ZNF385B: variants seen among roughly 807,000 people sequenced by gnomAD.
The protein encoded by ZNF385B is zinc finger protein 385B.
ZNF385B carries 23 observed loss-of-function variants against 39.2 expected under a neutral mutation model. That is an observed-to-expected ratio of 0.59 (90% CI 0.42 to 0.83). ZNF385B has a LOEUF of 0.83. Among genes scored for constraint, ZNF385B ranks in the 40% least tolerant of loss-of-function variants. The probability of loss-of-function intolerance (pLI) is 0.00; values close to 1 mark genes in which losing one functional copy is unlikely to be tolerated. For synonymous variants in ZNF385B, 205 were observed against 222.6 expected (o/e 0.92, Z 0.70); for missense variants, 552 against 598.9 (o/e 0.92, Z 0.82).
intron 6 of ZNF385B, among the ~76,000 whole-genome samples, chr2:179,451,622 T>C (rs924352070): frequency 6.6e-6 from 1 of 152,126 alleles, no homozygotes; most frequent in Admixed American, 6.6e-5. Context: ...AGGAAAAATG[T>C]TGACTTTGGA....
chr2:179,856,902 A>G (rs1684649605), intron 1 of ZNF385B, among the ~76,000 whole-genome samples: 1 of 152,220 alleles, frequency 6.6e-6, no homozygotes, highest in Non-Finnish European at 1.5e-5. Flanking sequence ...AACAAACTGT[A>G]GGAAAATCTC....
Position 179,780,333 on chromosome 2 carries a change from C to T in ZNF385B, c.-154-9661G>A, listed in dbSNP as rs144571717. ...CTTCTCAGATCATAGATGCTTCCCT[C>T]TCATCTCTAAGGCACAGGAGTCCCA... is the stretch of plus-strand genomic sequence containing the variant. On this transcript the variant is annotated intron_variant, in intron 1 of 9. Transcript: ENST00000410066. Among the ~76,000 whole-genome samples, 145 of 152,304 alleles carry T rather than the reference C, an allele frequency of 9.5e-4. No homozygotes were observed. The East Asian group carries it at 0.022, about 23-fold the overall frequency.
intron 3 of ZNF385B, among the ~76,000 whole-genome samples, chr2:179,631,356 G>C (rs374584407): frequency 6.6e-6 from 1 of 152,072 alleles, no homozygotes; most frequent in African/African-American, 2.4e-5. Context: ...AGAGAGTAGC[G>C]GTCAATATTC....
At chr2:179,845,323 G>C (rs1477006960) in intron 1 of ZNF385B, among the ~76,000 whole-genome samples, 1 of 152,066 alleles carries the variant, frequency 6.6e-6, no homozygotes, top group Non-Finnish European at 1.5e-5. Context: ...AGACAGGTAA[G>C]AAAAAAATTA....
At chr2:179,853,779 C>T (rs989127408) in intron 1 of ZNF385B, among the ~76,000 whole-genome samples, 1 of 152,088 alleles carries the variant, frequency 6.6e-6, no homozygotes, top group Non-Finnish European at 1.5e-5. Flanking sequence ...GATGACAACC[C>T]CATGGAAGAT....
intron 4 of ZNF385B, among the ~76,000 whole-genome samples, chr2:179,539,276 T>C (rs1455533932): frequency 6.6e-6 from 1 of 152,078 alleles, no homozygotes; most frequent in Non-Finnish European, 1.5e-5. Flanking sequence ...ATGCTCTTCT[T>C]ATAGGGCACT....
chr2:179,819,798 T>C (rs1455788425), intron 1 of ZNF385B, among the ~76,000 whole-genome samples: 1 of 152,188 alleles, frequency 6.6e-6, no homozygotes, highest in Non-Finnish European at 1.5e-5. Context: ...AGCCATGTTG[T>C]CAAATTCTAT....
chr2:179,591,629 T>C (rs907105029), intron 3 of ZNF385B, among the ~76,000 whole-genome samples: 10 of 152,210 alleles, frequency 6.6e-5, no homozygotes, highest in African/African-American at 2.4e-4. Flanking sequence ...CCTCAGTACT[T>C]GGTGAGGCTT....
intron 3 of ZNF385B, among the ~76,000 whole-genome samples, chr2:179,580,090 A>G (rs997128476): frequency 5.3e-5 from 8 of 152,182 alleles, no homozygotes; most frequent in African/African-American, 1.9e-4. Flanking sequence ...GAACATTCCA[A>G]ACTTCAATTT....
chr2:179,775,173 A>G (rs897537667), intron 1 of ZNF385B, among the ~76,000 whole-genome samples: 10 of 152,182 alleles, frequency 6.6e-5, no homozygotes, highest in African/African-American at 2.4e-4. Flanking sequence ...GAGAGGGTTC[A>G]TTTCATTGAA....
At chr2:179,705,117 C>T (rs1699491778) in intron 3 of ZNF385B, among the ~76,000 whole-genome samples, 1 of 151,960 alleles carries the variant, frequency 6.6e-6, no homozygotes. Flanking sequence ...CAAAAAAACT[C>T]CCTACTATCC....
At chr2:179,841,247 C>T (rs1017182500) in intron 1 of ZNF385B, among the ~76,000 whole-genome samples, 1 of 152,164 alleles carries the variant, frequency 6.6e-6, no homozygotes, top group Non-Finnish European at 1.5e-5. Flanking sequence ...AGGAGCAAAG[C>T]TTTCTATATT....
At chr2:179,499,597 T>C (rs992123546) in intron 5 of ZNF385B, among the ~76,000 whole-genome samples, 3 of 152,016 alleles carry the variant, frequency 2.0e-5, no homozygotes, top group Admixed American at 6.6e-5. Flanking sequence ...CAACATCCCT[T>C]CATGATAAAA....
chr2:179,784,410 C>T (rs937627496), intron 1 of ZNF385B, among the ~76,000 whole-genome samples: 1 of 151,956 alleles, frequency 6.6e-6, no homozygotes, highest in Non-Finnish European at 1.5e-5. Context: ...GTACAACAAA[C>T]CCTTGTTCAT....
At chr2:179,481,251 T>C (rs1050907567) in intron 6 of ZNF385B, 2 of 152,196 alleles carry the variant, frequency 1.3e-5, no homozygotes, top group African/African-American at 2.4e-5. Context: ...ATCCTTAAAC[T>C]TTATTTCAAA....
chr2:179,694,942 A>G (rs998882853), intron 3 of ZNF385B, among the ~76,000 whole-genome samples: 16 of 145,324 alleles, frequency 1.1e-4, no homozygotes, highest in Admixed American at 1.0e-3. Flanking sequence ...AAAAGAAAAA[A>G]GAAAAAAGAA....
intron 3 of ZNF385B, among the ~76,000 whole-genome samples, chr2:179,561,470 T>C (rs903113588): frequency 6.6e-6 from 1 of 152,072 alleles, no homozygotes; most frequent in Admixed American, 6.6e-5. Flanking sequence ...ATGAATAAGA[T>C]AGAATAAAAG....
At chr2:179,601,570 T>G (rs1688411851) in intron 3 of ZNF385B, among the ~76,000 whole-genome samples, 1 of 152,202 alleles carries the variant, frequency 6.6e-6, no homozygotes, top group African/African-American at 2.4e-5. Context: ...GAACCTGATA[T>G]AAAAACTAAT....
rs755815303 is a variant in ZNF385B, at chr2:179,443,318, C to G, written c.1393G>C (p.Ala465Pro). 1.9e-6 allele frequency: 3 copies of G among 1,612,702 alleles called. No individual in the cohort carries two copies. The African/African-American group carries it at 4.0e-5, about 22-fold the overall frequency. ...GGCCCATGCCCAGGCCTCAGAAGAG[C>G]TGGAGGAATGGCTGGAGCCTGGAAG... Reference protein sequence around the residue: ...SLFQAPAIPPALLRPGHGPIR... With the variant: ...SLFQAPAIPPPLLRPGHGPIR... The change falls in exon 10 of 10, where the codon GCT (alanine) becomes CCT (proline). Residue 465 changes from alanine (A) to proline (P), a missense_variant. Transcript: ENST00000410066.
Sources: allele counts gnomAD v4.1 joint callset (sites outside exome capture counted in the v4.1 genomes callset), GRCh38; gene constraint gnomAD v4.1.1; transcripts MANE v1.5; gene names NCBI Gene and HGNC (gene_info 2026-07-23, HGNC 2026-07-21).